Variants in ASAP2 observed in about 807,000 individuals in gnomAD.
The protein encoded by ASAP2 is ArfGAP with SH3 domain, ankyrin repeat and PH domain 2.
Under a neutral mutation model 131.4 loss-of-function variants are expected in ASAP2, and 45 were observed. The ratio of observed to expected loss-of-function variants is 0.34; its 90% confidence interval spans 0.27 to 0.44. The LOEUF (loss-of-function observed/expected upper bound fraction) is 0.44, where lower values mean the gene tolerates loss of function less well. ASAP2 is among the 20% of genes least tolerant of loss of function. The pLI is 1.00. For synonymous variants in ASAP2, 510 were observed against 503.0 expected (o/e 1.01, Z -0.19); for missense variants, 1,011 against 1,297.0 (o/e 0.78, Z 3.39).
chr2:9,231,028 C>A (rs765866868), intron 1 of ASAP2, among the ~76,000 whole-genome samples: 1 of 152,134 alleles, frequency 6.6e-6, no homozygotes. Context: ...GAGATGCTGC[C>A]CAGGCTCGGC....
At chr2:9,233,478 C>G (rs1049759295) in intron 1 of ASAP2, among the ~76,000 whole-genome samples, 15 of 152,170 alleles carry the variant, frequency 9.9e-5, no homozygotes, top group African/African-American at 2.4e-5. Context: ...GTAACACTTA[C>G]AAAAGTTGTA....
intron 15 of ASAP2, among the ~76,000 whole-genome samples, chr2:9,367,073 C>T (rs1673534588): frequency 6.7e-6 from 1 of 148,714 alleles, no homozygotes; most frequent in Non-Finnish European, 1.5e-5. Flanking sequence ...CTCTGTCGCC[C>T]AGGCTGGAGT....
At chr2:9,379,772 C>T (rs918545164) in intron 19 of ASAP2, among the ~76,000 whole-genome samples, 98 of 152,144 alleles carry the variant, frequency 6.4e-4, no homozygotes, top group African/African-American at 2.3e-3. Flanking sequence ...GGTGCAGTGG[C>T]TCACGAGGTC....
intron 4 of ASAP2, 107 bp from the exon 5 acceptor site, chr2:9,320,181 A>G: frequency 2.2e-6 from 2 of 908,266 alleles, no homozygotes; most frequent in Non-Finnish European, 3.5e-6. Flanking sequence ...TACGTCATTT[A>G]TTGCAGAAAT....
rs760076948 is a variant in ASAP2, at chr2:9,393,492, C to T, written c.2529C>T (p.Thr843=). The T allele has an allele frequency of 4.4e-6, 7 of 1,606,484 alleles. No homozygotes were observed. Among genetic ancestry groups the T allele is most frequent in the Non-Finnish European group, 5.9e-6 (7 of 1,177,002 alleles). ...CCCTGTCCTCCGCAGATCCCCTGAC[C>T]CCCACGCCGCCCCCACCCGTTGCCA... The part of the protein sequence containing the change: ...PLRVTSTNPL[T]PTPPPPVAKT... The change falls in exon 24 of 28, where the codon ACC becomes ACT. Residue 843 remains threonine (T), a synonymous_variant. Coordinates refer to ENST00000281419, the MANE Select transcript of ASAP2 (RefSeq NM_003887.3).
At chr2:9,359,651 C>T (rs1390458229) in intron 15 of ASAP2, among the ~76,000 whole-genome samples, 2 of 152,164 alleles carry the variant, frequency 1.3e-5, no homozygotes, top group African/African-American at 2.4e-5. Flanking sequence ...TAAAAGTTTA[C>T]ATGTAGGGAA....
intron 24 of ASAP2, among the ~76,000 whole-genome samples, chr2:9,395,069 G>C (rs1676007079): frequency 6.6e-6 from 1 of 152,196 alleles, no homozygotes; most frequent in South Asian, 2.1e-4. Context: ...CCTGGAAGCT[G>C]GCACGGAATG....
At chr2:9,302,139 T>TTTTC (rs1553308148) in intron 3 of ASAP2, among the ~76,000 whole-genome samples, 2 of 137,460 alleles carry the variant, frequency 1.5e-5, no homozygotes, top group Non-Finnish European at 3.1e-5. Context: ...TTTTTTTTTT[T>TTTTC]CCCAAACACA....
rs1675771187 is a variant in ASAP2, at chr2:9,392,083, G to A, written c.2518+887G>A. 6.6e-6 allele frequency among the ~76,000 whole-genome samples: 1 copy of A among 152,106 alleles called. No homozygotes were observed. The highest frequency in any genetic ancestry group is 6.6e-5 in the Admixed American group (1 of 15,260). ...CTATGTTGCCCAGGCTCGAATTCCT[G>A]GGCTCAAGTGATCCACCCGCCTTGT... On this transcript the variant is annotated intron_variant, in intron 23 of 27. Transcript: ENST00000281419. The surrounding 1 kb of genome is among the most constrained non-coding windows in gnomAD (Gnocchi z 4.0).
At chr2:9,227,593 C>T (rs1050741671) in intron 1 of ASAP2, among the ~76,000 whole-genome samples, 1 of 152,186 alleles carries the variant, frequency 6.6e-6, no homozygotes, top group East Asian at 1.9e-4. Flanking sequence ...TTTAACGGCT[C>T]TGTAAAATAA....
At chr2:9,271,630 C>T (rs35957038) in intron 1 of ASAP2, 177,852 of 969,804 alleles carry the variant, frequency 0.18, 18,370 homozygotes, top group Middle Eastern at 0.21. Flanking sequence ...AGTGGACATA[C>T]GATCCAATTT....
chr2:9,329,349 T>A (rs1670682695), intron 7 of ASAP2, among the ~76,000 whole-genome samples: 1 of 152,204 alleles, frequency 6.6e-6, no homozygotes, highest in Non-Finnish European at 1.5e-5. Context: ...TATGCACTCC[T>A]GTGATCTGCC....
chr2:9,255,005 C>T (rs547096258), intron 1 of ASAP2, among the ~76,000 whole-genome samples: 34 of 152,342 alleles, frequency 2.2e-4, no homozygotes, highest in African/African-American at 8.2e-4. Context: ...ATGCTGCCAT[C>T]CCATTTTCCA....
chr2:9,225,222 A>G (rs2147998835), intron 1 of ASAP2, among the ~76,000 whole-genome samples: 1 of 152,328 alleles, frequency 6.6e-6, no homozygotes, highest in East Asian at 1.9e-4. Flanking sequence ...CTTTATAGAA[A>G]AAGTTGTCCC....
At chr2:9,301,980 T>C (rs925725795) in intron 3 of ASAP2, among the ~76,000 whole-genome samples, 1 of 151,894 alleles carries the variant, frequency 6.6e-6, no homozygotes, top group Non-Finnish European at 1.5e-5. Flanking sequence ...CCCACCGCCA[T>C]GCCCGGCTAG....
chr2:9,351,632 T>C (rs1194984277), intron 12 of ASAP2, among the ~76,000 whole-genome samples: 1 of 152,230 alleles, frequency 6.6e-6, no homozygotes, highest in African/African-American at 2.4e-5. Context: ...CGCCGGACTG[T>C]GTACTGTAGG....
intron 9 of ASAP2, among the ~76,000 whole-genome samples, chr2:9,343,621 A>G (rs1324298788): frequency 6.6e-6 from 1 of 152,018 alleles, no homozygotes; most frequent in African/African-American, 2.4e-5. Flanking sequence ...TAATTTTTGT[A>G]TTTTTTGTAG....
chr2:9,259,153 C>G lies in ASAP2; in HGVS notation c.127-20164C>G, dbSNP rs1476104259. Among the ~76,000 whole-genome samples, 11 of 152,362 alleles carry G rather than the reference C, an allele frequency of 7.2e-5. No individual in the cohort carries two copies. The East Asian group carries it at 2.1e-3, about 29-fold the overall frequency. On this transcript the variant is annotated intron_variant, in intron 1 of 27. Transcript: ENST00000281419. ...CAGGGAGCCCTTCCCCTCGCTTCCT[C>G]TCTTGTTCTGTTAGCTGGGGTTTCA...
At chr2:9,334,547 G>A (rs1332732536) in intron 7 of ASAP2, among the ~76,000 whole-genome samples, 191 bp from the exon 8 acceptor site, 1 of 152,070 alleles carries the variant, frequency 6.6e-6, no homozygotes, top group African/African-American at 2.4e-5. Flanking sequence ...TTCCTTTTCT[G>A]TTCGCTCCTG....
Sources: allele counts gnomAD v4.1 joint callset (sites outside exome capture counted in the v4.1 genomes callset), GRCh38; gene constraint gnomAD v4.1.1; non-coding constraint Gnocchi (gnomAD v3.1); transcripts MANE v1.5; gene names NCBI Gene and HGNC (gene_info 2026-07-23, HGNC 2026-07-21).